SPIRE1: variants seen among roughly 807,000 people sequenced by gnomAD.
SPIRE1 encodes the protein spire type actin nucleation factor 1.
Under a neutral mutation model 94.1 loss-of-function variants are expected in SPIRE1, and 40 were observed. The observed-to-expected ratio is 0.43, with a 90% CI of 0.33 to 0.55. The LOEUF is 0.55. Among genes scored for constraint, SPIRE1 ranks in the 20% least tolerant of loss-of-function variants. The pLI is 0.06. For synonymous variants in SPIRE1, 376 were observed against 371.7 expected, an observed-to-expected ratio of 1.01 and a Z score of -0.13; for missense variants, 838 against 975.2, an observed-to-expected ratio of 0.86 and a Z score of 1.87.
At chr18:12,493,516 C>T (rs926423962) in intron 7 of SPIRE1, among the ~76,000 whole-genome samples, 4 of 151,854 alleles carry the variant, frequency 2.6e-5, no homozygotes, top group East Asian at 1.9e-4. Context: ...AAGCGATTCT[C>T]GTGCCTCAGC....
chr18:12,515,360 C>T (rs974800228), intron 4 of SPIRE1, among the ~76,000 whole-genome samples: 3 of 151,594 alleles, frequency 2.0e-5, no homozygotes, highest in Admixed American at 6.6e-5. Flanking sequence ...CCAAAAAAAC[C>T]AAAAAATTAG....
chr18:12,535,518 C>T lies in SPIRE1; in HGVS notation c.687G>A (p.Met229Ile), dbSNP rs1257846808. ...AVCRALFAETMELHTFLTKIK... is the reference protein window; with the variant it reads ...AVCRALFAETIELHTFLTKIK... ...TTTTGGTCAGAAATGTATGGAGCTC[C>T]ATTGTTTCTGCAAACAGTGCACGAC... is the stretch of plus-strand genomic sequence containing the variant. The change falls in exon 4 of 17, where the codon ATG becomes ATA. Residue 229 changes from methionine to isoleucine, a missense_variant. Physicochemically the swap from Met to Ile is conservative, Grantham distance 10. Coordinates refer to ENST00000409402, the MANE Select transcript of SPIRE1 (RefSeq NM_001128626.2). The T allele has an allele frequency of 1.2e-6, 2 of 1,613,486 alleles. No homozygotes were observed. The highest frequency in any genetic ancestry group is 1.7e-6 in the Non-Finnish European group (2 of 1,179,584).
intron 12 of SPIRE1, among the ~76,000 whole-genome samples, chr18:12,457,266 C>T (rs540901356): frequency 2.0e-5 from 3 of 151,920 alleles, no homozygotes; most frequent in Admixed American, 2.0e-4. Context: ...TGGAGACTTC[C>T]CAAGGACAAC....
chr18:12,527,928 T>C (rs1347671571), intron 4 of SPIRE1, among the ~76,000 whole-genome samples: 1 of 151,566 alleles, frequency 6.6e-6, no homozygotes, highest in Non-Finnish European at 1.5e-5. Flanking sequence ...TAGCCGGGCG[T>C]GGTGGCGGGT....
At chr18:12,654,901 G>A (rs764572180) in intron 1 of SPIRE1, among the ~76,000 whole-genome samples, 9 of 150,970 alleles carry the variant, frequency 6.0e-5, no homozygotes, top group Non-Finnish European at 1.0e-4. Context: ...GGTGGCATGC[G>A]CCTATAGTCC....
chr18:12,472,367 CTTTT>C (rs964687204), intron 10 of SPIRE1, among the ~76,000 whole-genome samples: 2 of 134,996 alleles, frequency 1.5e-5, no homozygotes, highest in Non-Finnish European at 1.6e-5. Flanking sequence ...ATGCCCTGTG[CTTTT>C]TTTTTTTTTT....
At chr18:12,488,361 G>C (rs2033111161) in intron 8 of SPIRE1, among the ~76,000 whole-genome samples, 1 of 152,152 alleles carries the variant, frequency 6.6e-6, no homozygotes, top group South Asian at 2.1e-4. Flanking sequence ...AGGTCCTGGT[G>C]GGGATTATGC....
At chr18:12,564,748 A>G (rs2035774111) in intron 2 of SPIRE1, among the ~76,000 whole-genome samples, 1 of 152,172 alleles carries the variant, frequency 6.6e-6, no homozygotes, top group Admixed American at 6.5e-5. Flanking sequence ...CTAGGAGCTT[A>G]GCACAGCAAT....
intron 10 of SPIRE1, among the ~76,000 whole-genome samples, chr18:12,472,347 T>C (rs1024560766): frequency 6.7e-6 from 1 of 149,788 alleles, no homozygotes; most frequent in Non-Finnish European, 1.5e-5. Context: ...AAAACCATTA[T>C]AGCGACACCA....
chr18:12,657,541 G>T lies in SPIRE1; in HGVS notation c.326C>A (p.Pro109His). The T allele has an allele frequency of 1.6e-6, 2 of 1,234,276 alleles. No individual in the cohort carries two copies. The highest frequency in any genetic ancestry group is 2.0e-6 in the Non-Finnish European group (2 of 989,030). 76.5% of individuals were successfully genotyped at this position (1,234,276 alleles called of 1,614,324 possible). ...CCCGGCGGCCTCACCCGCAACTGGGGGCGGCTCTCCCGCGTCGTCGGCCGC... is the reference window on the plus strand; with the variant it reads ...CCCGGCGGCCTCACCCGCAACTGGGTGCGGCTCTCCCGCGTCGTCGGCCGC... ...APAADDAGEP[P>H]PVAGKLGYSQ... Residue 109 changes from proline to histidine, a missense_variant, in exon 1 of 17, where the codon CCC becomes CAC. By Grantham distance (77) the Pro-to-His change is moderately conservative. Coordinates refer to ENST00000409402, the MANE Select transcript of SPIRE1 (RefSeq NM_001128626.2).
At chr18:12,620,392 A>C (rs1479601704) in intron 2 of SPIRE1, among the ~76,000 whole-genome samples, 1 of 152,182 alleles carries the variant, frequency 6.6e-6, no homozygotes, top group Non-Finnish European at 1.5e-5. Flanking sequence ...AAGAACAACA[A>C]AGTTGGGGGA....
intron 2 of SPIRE1, among the ~76,000 whole-genome samples, chr18:12,595,995 T>C (rs111683249): frequency 1.5e-3 from 231 of 152,360 alleles, no homozygotes; most frequent in Non-Finnish European, 2.5e-3. Flanking sequence ...CAATGCAGTA[T>C]TGATGTACTA....
intron 6 of SPIRE1, among the ~76,000 whole-genome samples, chr18:12,500,686 T>C (rs2033623584): frequency 6.6e-6 from 1 of 152,110 alleles, no homozygotes; most frequent in Admixed American, 6.6e-5. Flanking sequence ...GCACTACTCA[T>C]GCTAGCGAAA....
At chr18:12,512,012 C>T (rs111789417) in intron 5 of SPIRE1, among the ~76,000 whole-genome samples, 7,289 of 152,224 alleles carry the variant, frequency 0.048, 196 homozygotes, top group South Asian at 0.096. Context: ...CTTGGCCTCC[C>T]CAAGTGCTGG....
Position 12,657,803 on chromosome 18 carries a change from C to A in SPIRE1, c.64G>T (p.Gly22Trp). ...EPRTEAVGGE[G>W]PREPGAAGGA... ...CCGGCTGCCCCGGGCTCCCGCGGCC[C>A]CTCGCCGCCCACTGCCTCAGTCCGC... Residue 22 changes from glycine to tryptophan, a missense_variant, in exon 1 of 17, where the codon GGG (glycine) becomes TGG (tryptophan). Coordinates refer to ENST00000409402, the MANE Select transcript of SPIRE1 (RefSeq NM_001128626.2). 1 of 1,260,612 alleles carries A rather than the reference C, an allele frequency of 7.9e-7. No homozygotes were observed. Among genetic ancestry groups the A allele is most frequent in the Non-Finnish European group, 1.0e-6 (1 of 1,002,400 alleles). The allele number at this position is 1,260,612 out of a possible 1,614,324, so 78.1% of individuals were successfully genotyped here. A position where few individuals can be genotyped will look rare whatever the true frequency, so the allele number is the denominator to read the frequency against.
chr18:12,557,774 C>CA (rs2035561201), intron 2 of SPIRE1, among the ~76,000 whole-genome samples: 1 of 151,732 alleles, frequency 6.6e-6, no homozygotes, highest in South Asian at 2.1e-4. Context: ...TATTACACTA[C>CA]AAAGCTACAG....
chr18:12,586,526 A>G (rs2036395326), intron 2 of SPIRE1, among the ~76,000 whole-genome samples: 1 of 152,194 alleles, frequency 6.6e-6, no homozygotes. Context: ...TACTTAAACT[A>G]ATGAGACAAT....
At chr18:12,473,785 A>G (rs1034640474) in intron 10 of SPIRE1, among the ~76,000 whole-genome samples, 1 of 152,230 alleles carries the variant, frequency 6.6e-6, no homozygotes, top group African/African-American at 2.4e-5. Flanking sequence ...TAAGCAGTAA[A>G]CTGTTCTGTG....
At chr18:12,584,862 C>G (rs1168418854) in intron 2 of SPIRE1, among the ~76,000 whole-genome samples, 2 of 152,158 alleles carry the variant, frequency 1.3e-5, no homozygotes, top group African/African-American at 4.8e-5. Context: ...TCACTGCAAC[C>G]TCCGCCTCCT....
Sources: gnomAD v4.1 joint callset for allele counts (sites outside exome capture counted in the v4.1 genomes callset) on GRCh38, gnomAD v4.1.1 for gene constraint, MANE v1.5 for transcripts, NCBI Gene and HGNC (gene_info 2026-07-23, HGNC 2026-07-21) for gene names.